GDAP1L1: variants seen among roughly 807,000 people sequenced by gnomAD.
GDAP1L1 encodes the protein ganglioside induced differentiation associated protein 1 like 1.
GDAP1L1 carries 21 observed loss-of-function variants against 37.1 expected under a neutral mutation model. That is an observed-to-expected ratio of 0.57 (90% CI 0.40 to 0.81). The LOEUF (loss-of-function observed/expected upper bound fraction) is 0.81. Among genes scored for constraint, GDAP1L1 ranks in the 40% least tolerant of loss-of-function variants. The probability of loss-of-function intolerance (pLI) is 0.00; values close to 1 mark genes in which losing one functional copy is unlikely to be tolerated. For missense variants in GDAP1L1, 362 were observed against 491.6 expected (o/e 0.74, Z 2.49); for synonymous variants, 193 against 209.1 (o/e 0.92, Z 0.67).
intron 3 of GDAP1L1, 107 bp downstream of exon 3, chr20:44,258,714 C>T (rs2281321): frequency 7.7e-6 from 6 of 776,710 alleles, no homozygotes; most frequent in Middle Eastern, 2.7e-4. Flanking sequence ...TCCTCCCCTT[C>T]CTCCTCCTTC....
chr20:44,251,038 C>A (rs1422427734), intron 1 of GDAP1L1, among the ~76,000 whole-genome samples: 3 of 152,200 alleles, frequency 2.0e-5, no homozygotes, highest in Admixed American at 2.0e-4. Context: ...TCTGTCCTCA[C>A]AACTGCCCCT....
chr20:44,249,303 G>A (rs1168779382), intron 1 of GDAP1L1, among the ~76,000 whole-genome samples: 1 of 152,154 alleles, frequency 6.6e-6, no homozygotes, highest in Admixed American at 6.5e-5. Flanking sequence ...CTCCCAAAGT[G>A]CTAGTATTAC....
chr20:44,261,991 A>G (rs1189640648), intron 3 of GDAP1L1, among the ~76,000 whole-genome samples: 2 of 152,230 alleles, frequency 1.3e-5, no homozygotes, highest in Non-Finnish European at 2.9e-5. Context: ...TGAAATGTAC[A>G]TATTGGGACA....
intron 5 of GDAP1L1, among the ~76,000 whole-genome samples, chr20:44,272,199 G>A (rs1348226608): frequency 6.6e-6 from 1 of 152,210 alleles, no homozygotes; most frequent in Non-Finnish European, 1.5e-5. Flanking sequence ...GCAACCTGAA[G>A]AGATGTGGAG....
chr20:44,272,270 C>G (rs1345119593), intron 5 of GDAP1L1, among the ~76,000 whole-genome samples: 1 of 152,158 alleles, frequency 6.6e-6, no homozygotes, highest in African/African-American at 2.4e-5. Flanking sequence ...TTAGGACACG[C>G]CCTGCATTGG....
chr20:44,250,410 T>C (rs553131436), intron 1 of GDAP1L1, among the ~76,000 whole-genome samples: 14 of 152,350 alleles, frequency 9.2e-5, no homozygotes, highest in Admixed American at 2.6e-4. Flanking sequence ...AATGTATCCA[T>C]GTCAATCACC....
chr20:44,271,561 G>T (rs939181979), intron 5 of GDAP1L1, among the ~76,000 whole-genome samples: 2 of 152,222 alleles, frequency 1.3e-5, no homozygotes, highest in African/African-American at 4.8e-5. Flanking sequence ...ACTGAAGAGT[G>T]CATGGGAGGA....
chr20:44,264,638 T>C (rs2146026528), intron 5 of GDAP1L1, 79 bp downstream of exon 5: 1 of 1,543,926 alleles, frequency 6.5e-7, no homozygotes. Context: ...AGCCTCTTTT[T>C]TCCGCAAAAG....
chr20:44,271,657 G>C (rs1398673623), intron 5 of GDAP1L1, among the ~76,000 whole-genome samples: 1 of 152,082 alleles, frequency 6.6e-6, no homozygotes, highest in Non-Finnish European at 1.5e-5. Context: ...AGAAGGATGT[G>C]GGGTGACAGG....
At position 44,279,844 on chromosome 20, in the gene GDAP1L1, C is replaced by T; in HGVS notation, c.*544C>T. On this transcript the variant is annotated 3_prime_UTR_variant, in exon 6 of 6. Coordinates refer to ENST00000342560, the MANE Select transcript of GDAP1L1 (RefSeq NM_024034.6). ...GAAGATCAGAAGGGGCTTCACGCTT[C>T]TCCTGGACATGGACTAGCTTGAGCC... 1 of 467,142 alleles carries T rather than the reference C, an allele frequency of 2.1e-6. No individual in the cohort carries two copies. The highest frequency in any genetic ancestry group is 1.6e-5 in the South Asian group (1 of 63,980). The allele number at this position is 467,142 out of a possible 1,614,324, so 28.9% of individuals were successfully genotyped here.
chr20:44,270,240 G>A (rs1290279905), intron 5 of GDAP1L1, among the ~76,000 whole-genome samples: 4 of 139,458 alleles, frequency 2.9e-5, no homozygotes, highest in African/African-American at 5.4e-5. Flanking sequence ...GCGGGATCTC[G>A]GCTCACTGCA....
chr20:44,260,291 A>T (rs537151023), intron 3 of GDAP1L1, among the ~76,000 whole-genome samples: 36 of 151,814 alleles, frequency 2.4e-4, no homozygotes, highest in South Asian at 1.7e-3. Context: ...AGGGCAAAAA[A>T]AAAAAAACAA....
rs1338033574 is a variant in GDAP1L1, at chr20:44,264,473, G to A, written c.674G>A (p.Ser225Asn). Residue 225 changes from serine to asparagine, a missense_variant, in exon 5 of 6, where the codon AGC becomes AAC. Physicochemically the swap from Ser to Asn is conservative, Grantham distance 46. This residue lies in a region of GDAP1L1 where 277 missense variants were observed against 337.1 expected (regional missense o/e 0.82). Transcript: ENST00000342560. ...MAKILEHDDV[S>N]YLKKILGELA... ...AAGATCTTGGAGCATGATGATGTGA[G>A]CTACCTGAAGAAGATCCTCGGGGAA... is the stretch of plus-strand genomic sequence containing the variant. 1.3e-6 allele frequency: 2 copies of A among 1,528,418 alleles called. No homozygotes were observed. The highest frequency in any genetic ancestry group is 1.8e-6 in the Non-Finnish European group (2 of 1,137,510). 94.7% of individuals were successfully genotyped at this position (1,528,418 alleles called of 1,614,324 possible).
chr20:44,261,813 C>A (rs1258630443), intron 3 of GDAP1L1, among the ~76,000 whole-genome samples: 2 of 152,172 alleles, frequency 1.3e-5, no homozygotes, highest in African/African-American at 4.8e-5. Flanking sequence ...AGACCTCCTA[C>A]AGGATCAGGA....
intron 5 of GDAP1L1, among the ~76,000 whole-genome samples, chr20:44,277,876 G>A (rs963328886): frequency 7.2e-5 from 11 of 152,204 alleles, no homozygotes; most frequent in East Asian, 1.9e-4. Flanking sequence ...TGGTGGGGCC[G>A]GGCGCAGTGG....
intron 5 of GDAP1L1, among the ~76,000 whole-genome samples, chr20:44,276,412 A>AGAAAGAAAG (rs1486592312): frequency 1.8e-5 from 2 of 113,308 alleles, no homozygotes; most frequent in South Asian, 3.4e-4. Flanking sequence ...AGAAAAAAGA[A>AGAAAGAAAG]AAAGAAAGAA....
intron 1 of GDAP1L1, among the ~76,000 whole-genome samples, chr20:44,254,576 C>T (rs986324538): frequency 2.6e-5 from 4 of 152,210 alleles, no homozygotes; most frequent in Admixed American, 6.5e-5. Flanking sequence ...AATCCAGCCC[C>T]CTTGTTTTGC....
At chr20:44,264,739 A>G in intron 5 of GDAP1L1, 180 bp downstream of exon 5, 1 of 1,342,522 alleles carries the variant, frequency 7.4e-7, no homozygotes, top group Non-Finnish European at 1.0e-6. Flanking sequence ...AGCTTAGTAA[A>G]TGTGGTCAGG....
intron 5 of GDAP1L1, among the ~76,000 whole-genome samples, chr20:44,276,449 A>AAAGAAAGAAAGAAAGAAAGAAAGG (rs2062581201): frequency 6.6e-6 from 1 of 150,622 alleles, no homozygotes; most frequent in Admixed American, 6.7e-5. Context: ...AGAAAGAAAG[A>AAAGAAAGAAAGAAAGAAAGAAAGG]AAGAAAGAAA....
Sources: gnomAD v4.1 joint callset for allele counts (sites outside exome capture counted in the v4.1 genomes callset) on GRCh38, gnomAD v4.1.1 for gene constraint, gnomAD v4.1.1 regional missense constraint, MANE v1.5 for transcripts, NCBI Gene and HGNC (gene_info 2026-07-23, HGNC 2026-07-21) for gene names.